The following BRAP variants were observed in gnomAD, a reference collection of about 807,000 sequenced individuals.
BRAP encodes BRCA1-associated protein.
A neutral mutation model predicts 73.4 loss-of-function variants in BRAP; 42 were observed. The ratio of observed to expected loss-of-function variants is 0.57; its 90% CI spans 0.45 to 0.74. The LOEUF (loss-of-function observed/expected upper bound fraction) is 0.74. Ranked by LOEUF, BRAP falls within the 30% of genes least tolerant of loss-of-function variation. The probability of loss-of-function intolerance (pLI) is 0.00; values close to 1 mark genes in which losing one functional copy is unlikely to be tolerated. For missense variants in BRAP, 593 were observed against 751.4 expected, an observed-to-expected ratio of 0.79 and a Z score of 2.46; for synonymous variants, 255 against 267.4, an observed-to-expected ratio of 0.95 and a Z score of 0.45.
At chr12:111,655,516 G>T in intron 10 of BRAP, 50 bp downstream of exon 10, 2 of 1,458,328 alleles carry the variant, frequency 1.4e-6, no homozygotes, top group Non-Finnish European at 9.6e-7. Flanking sequence ...CCCCATCAGA[G>T]TGCCCTGCCA....
At chr12:111,685,590 C>T (rs1887791121) in intron 1 of BRAP, 121 bp downstream of exon 1, 1 of 1,387,138 alleles carries the variant, frequency 7.2e-7, no homozygotes, top group Non-Finnish European at 9.3e-7. Flanking sequence ...CCGATTACCT[C>T]TCCGTGTCTT....
intron 5 of BRAP, among the ~76,000 whole-genome samples, chr12:111,667,230 C>T (rs1886979227): frequency 6.6e-6 from 1 of 152,170 alleles, no homozygotes; most frequent in African/African-American, 2.4e-5. Context: ...TAGGAATATA[C>T]ACAGGATGCT....
At chr12:111,653,064 C>T (rs573064086) in intron 10 of BRAP, among the ~76,000 whole-genome samples, 2 of 152,044 alleles carry the variant, frequency 1.3e-5, no homozygotes, top group Non-Finnish European at 2.9e-5. Context: ...ACAGTGGCAC[C>T]CTCCTGTGGT....
intron 5 of BRAP, chr12:111,670,208 GCTT>G (rs1303274879): frequency 3.3e-6 from 2 of 609,152 alleles, no homozygotes; most frequent in African/African-American, 1.8e-5. Context: ...GAGGTCTGCA[GCTT>G]CTTCTTCATC....
Position 111,672,763 on chromosome 12 carries a change from A to C in BRAP, c.645T>G (p.Asp215Glu). The change falls in exon 5 of 12, where the codon GAT (aspartate) becomes GAG (glutamate). Residue 215 changes from aspartate to glutamate, a missense_variant. Asp to Glu is a conservative substitution (Grantham distance 45). Around this residue, in one of 4 missense-constraint regions of BRAP, gnomAD observed 304 missense variants for 337.7 expected, o/e 0.90. Transcript: ENST00000419234. ...GGCCATTGCATGTCATATAAAAACT[A>C]TCCGCATCAGCCTATGTACACCAAT... The part of the protein sequence containing the change: ...LIKFRAQADA[D>E]SFYMTCNGRQ... 6.2e-7 allele frequency: 1 copy of C among 1,614,002 alleles called. No homozygotes were observed. Among genetic ancestry groups the C allele is most frequent in the Non-Finnish European group, 8.5e-7 (1 of 1,179,970 alleles).
At chr12:111,677,811 G>A (rs1311389270) in intron 4 of BRAP, among the ~76,000 whole-genome samples, 3 of 152,112 alleles carry the variant, frequency 2.0e-5, no homozygotes, top group Non-Finnish European at 4.4e-5. Flanking sequence ...TAAATCCAAA[G>A]GATAATTGAA....
At position 111,685,855 on chromosome 12, in the gene BRAP, A is replaced by T. The variant is rs946457620; in HGVS notation, c.-63T>A. The T allele has an allele frequency of 2.2e-5, 25 of 1,143,276 alleles. No homozygotes were observed. The highest frequency in any genetic ancestry group is 8.8e-5 in the Admixed American group (2 of 22,636). 70.8% of individuals were successfully genotyped at this position (1,143,276 alleles called of 1,614,324 possible). On this transcript the variant is annotated 5_prime_UTR_variant, in exon 1 of 12. Coordinates refer to ENST00000419234, the MANE Select transcript of BRAP (RefSeq NM_006768.5). ...AGGCGAGGCTGGAAGGCGAGCCGAG[A>T]GGCCGAGCGGCCCGGGGCCGGCAGC... is the stretch of plus-strand genomic sequence containing the variant.
At chr12:111,671,411 A>G (rs547947046) in intron 5 of BRAP, among the ~76,000 whole-genome samples, 1 of 152,096 alleles carries the variant, frequency 6.6e-6, no homozygotes, top group South Asian at 2.1e-4. Flanking sequence ...TTAGCCTGGC[A>G]TAGTGGCGTA....
intron 5 of BRAP, chr12:111,670,258 T>G: frequency 3.4e-6 from 2 of 594,422 alleles, no homozygotes; most frequent in Non-Finnish European, 6.6e-6. Flanking sequence ...AACTTTCCCC[T>G]CCATTACTGG....
At chr12:111,663,378 G>A (rs1342150418) in intron 6 of BRAP, among the ~76,000 whole-genome samples, 1 of 152,062 alleles carries the variant, frequency 6.6e-6, no homozygotes, top group African/African-American at 2.4e-5. Context: ...GCTTGAACCC[G>A]GGAGGTGGAA....
rs1436593223 is a variant in BRAP, at chr12:111,642,298, T to C, written c.*1901A>G. On this transcript the variant is annotated 3_prime_UTR_variant, in exon 12 of 12. Transcript: ENST00000419234. ...ACTCTTTGACTGTTTAAAAAAAAAT[T>C]TTTTTTTCTTTACGTATCTTGGTAA... 1 of 152,134 alleles carries C rather than the reference T, an allele frequency of 6.6e-6. No individual in the cohort carries two copies. Among genetic ancestry groups the C allele is most frequent in the Non-Finnish European group, 1.5e-5 (1 of 68,022 alleles). 9.4% of individuals were successfully genotyped at this position (152,134 alleles called of 1,614,324 possible).
intron 1 of BRAP, chr12:111,685,459 G>C (rs1887782929): frequency 1.2e-6 from 1 of 801,322 alleles, no homozygotes; most frequent in East Asian, 4.1e-5. Flanking sequence ...TCTCGAGAGG[G>C]AGACGCGCCA....
At chr12:111,680,316 T>C (rs1040637154) in intron 3 of BRAP, among the ~76,000 whole-genome samples, 21 of 152,104 alleles carry the variant, frequency 1.4e-4, no homozygotes, top group African/African-American at 5.1e-4. Context: ...CAAGTTGAGA[T>C]GGCTGGAATA....
chr12:111,679,013 T>C (rs1887493348), intron 4 of BRAP, 138 bp downstream of exon 4: 2 of 568,856 alleles, frequency 3.5e-6, no homozygotes, highest in African/African-American at 1.9e-5. Context: ...GAAATACATC[T>C]AGAATTACAA....
intron 2 of BRAP, among the ~76,000 whole-genome samples, chr12:111,682,439 T>G (rs1887637664): frequency 7.1e-6 from 1 of 140,386 alleles, no homozygotes; most frequent in African/African-American, 2.7e-5. Context: ...GAGGTGGAGT[T>G]GCAGTAAGCC....
intron 10 of BRAP, among the ~76,000 whole-genome samples, chr12:111,650,606 G>C (rs1886282123): frequency 6.6e-6 from 1 of 152,086 alleles, no homozygotes; most frequent in South Asian, 2.1e-4. Flanking sequence ...CGTTGGCCAG[G>C]CTGGTCTCAA....
chr12:111,662,039 G>A (rs1374945405), intron 6 of BRAP, among the ~76,000 whole-genome samples: 1 of 152,178 alleles, frequency 6.6e-6, no homozygotes, highest in Non-Finnish European at 1.5e-5. Context: ...TGAACATCAT[G>A]TGGAAGATAC....
rs1304689360 is a variant in BRAP at position 111,644,242 on chromosome 12, C to T, written c.1736G>A (p.Gly579Glu). The T allele has an allele frequency of 1.9e-6, 3 of 1,613,556 alleles. No homozygotes were observed. The highest frequency in any genetic ancestry group is 2.5e-6 in the Non-Finnish European group (3 of 1,180,006). ...ASSPASSGGSGKLPSRKGRSK... is the reference protein window; with the variant it reads ...ASSPASSGGSEKLPSRKGRSK... ...GCGGCCCTTCCTGGAGGGCAACTTC[C>T]CACTGCCCCCCGAAGAGGCAGGGCT... The change falls in exon 12 of 12, where the codon GGG (glycine) becomes GAG (glutamate). Residue 579 changes from glycine to glutamate, a missense_variant. Physicochemically the swap from Gly to Glu is moderately conservative, Grantham distance 98. This residue lies in a region of BRAP where 79 missense variants were observed against 65.3 expected (regional missense o/e 1.21). Coordinates refer to ENST00000419234, the MANE Select transcript of BRAP (RefSeq NM_006768.5).
chr12:111,642,175 A>G lies in BRAP; in HGVS notation c.*2024T>C, dbSNP rs955436088. 1 of 151,996 alleles carries G rather than the reference A, an allele frequency of 6.6e-6. No homozygotes were observed. Among genetic ancestry groups the G allele is most frequent in the Non-Finnish European group, 1.5e-5 (1 of 68,016 alleles). 9.4% of individuals were successfully genotyped at this position (151,996 alleles called of 1,614,324 possible). ...TTCAAAGTTTGGCTATTTTAATTCA[A>G]TTTCATTGTTCAAGGTAGTATGGGT... is the stretch of plus-strand genomic sequence containing the variant. On this transcript the variant is annotated 3_prime_UTR_variant, in exon 12 of 12. Transcript: ENST00000419234.
Sources: gnomAD v4.1 joint callset for allele counts (sites outside exome capture counted in the v4.1 genomes callset) on GRCh38, gnomAD v4.1.1 for gene constraint, gnomAD v4.1.1 regional missense constraint, MANE v1.5 for transcripts, NCBI Gene and HGNC (gene_info 2026-07-23, HGNC 2026-07-21) for gene names.